The following PIP5K1B variants were observed in gnomAD, a reference collection of about 807,000 sequenced individuals.
PIP5K1B encodes phosphatidylinositol 4-phosphate 5-kinase type-1 beta.
Under a neutral mutation model 67.0 loss-of-function variants are expected in PIP5K1B, and 42 were observed. The ratio of observed to expected loss-of-function variants is 0.63; its 90% confidence interval spans 0.49 to 0.81. The LOEUF is 0.81. Ranked by LOEUF, PIP5K1B falls within the 30% of genes least tolerant of loss-of-function variation. PIP5K1B has a pLI of 0.00. For missense variants in PIP5K1B, 459 were observed against 646.3 expected (o/e 0.71, Z 3.14); for synonymous variants, 214 against 231.4 (o/e 0.92, Z 0.68).
intron 12 of PIP5K1B, among the ~76,000 whole-genome samples, chr9:68,927,205 C>T (rs978248399): frequency 6.6e-6 from 1 of 152,094 alleles, no homozygotes; most frequent in Non-Finnish European, 1.5e-5. Flanking sequence ...TCCATTTTGG[C>T]CATTATGAAT....
chr9:68,746,076 CT>C (rs11306038), intron 2 of PIP5K1B, among the ~76,000 whole-genome samples: 42,184 of 106,666 alleles, frequency 0.4, 5,489 homozygotes, highest in East Asian at 0.56. Flanking sequence ...TGTGTTAACT[CT>C]TTTTTTTTTT....
intron 2 of PIP5K1B, among the ~76,000 whole-genome samples, chr9:68,803,308 GC>G (rs1832703464): frequency 6.6e-6 from 1 of 152,204 alleles, no homozygotes; most frequent in Non-Finnish European, 1.5e-5. Context: ...GAAAGTCTGG[GC>G]TCAAAGAGTT....
At chr9:68,805,708 G>T (rs962785015) in intron 2 of PIP5K1B, among the ~76,000 whole-genome samples, 1 of 152,146 alleles carries the variant, frequency 6.6e-6, no homozygotes, top group Non-Finnish European at 1.5e-5. Flanking sequence ...TCCAGAGGGG[G>T]TAGTGACAAG....
At chr9:68,925,484 G>A (rs1182143826) in intron 12 of PIP5K1B, among the ~76,000 whole-genome samples, 1 of 152,112 alleles carries the variant, frequency 6.6e-6, no homozygotes, top group Non-Finnish European at 1.5e-5. Flanking sequence ...CCTTATTCAT[G>A]TTTATTAGCC....
chr9:68,752,709 C>G (rs1696682969), intron 2 of PIP5K1B, among the ~76,000 whole-genome samples: 1 of 152,066 alleles, frequency 6.6e-6, no homozygotes, highest in African/African-American at 2.4e-5. Context: ...TTTTTCTTAC[C>G]TCACCTATTA....
intron 2 of PIP5K1B, chr9:68,784,075 CATT>C (rs1831467244): frequency 6.0e-6 from 1 of 167,030 alleles, no homozygotes; most frequent in African/African-American, 2.4e-5. Context: ...GGTATGGAAA[CATT>C]ATTTCTGTAA....
chr9:68,741,909 A>G lies in PIP5K1B; in HGVS notation c.-242-592A>G, dbSNP rs78317337. Among the ~76,000 whole-genome samples, 1,181 of 152,334 alleles carry G rather than the reference A, an allele frequency of 7.8e-3. 10 individuals are homozygous for G. The highest frequency in any genetic ancestry group is 0.017 in the Middle Eastern group (5 of 294). On this transcript the variant is annotated intron_variant, in intron 1 of 15. Transcript: ENST00000265382. ...TGTTGGGGGTGGGGAGAACCAGGGT[A>G]GGTTATCATGGCCCTACTCATAAGA...
intron 14 of PIP5K1B, among the ~76,000 whole-genome samples, chr9:68,988,215 T>C (rs4745465): frequency 1 from 151,559 of 152,114 alleles, 75,503 homozygotes; most frequent in Non-Finnish European, 1. Context: ...CTGGACTTTT[T>C]AGCATTCCTT....
At chr9:68,756,802 A>G (rs1055871206) in intron 2 of PIP5K1B, among the ~76,000 whole-genome samples, 2 of 152,178 alleles carry the variant, frequency 1.3e-5, no homozygotes, top group Non-Finnish European at 2.9e-5. Flanking sequence ...CACATATGTA[A>G]TTTTATATTT....
At chr9:68,736,733 C>G (rs751308518) in intron 1 of PIP5K1B, among the ~76,000 whole-genome samples, 1 of 152,222 alleles carries the variant, frequency 6.6e-6, no homozygotes, top group Non-Finnish European at 1.5e-5. Context: ...CTATTCTGAA[C>G]CTCCTGTCTC....
At chr9:68,833,355 C>T (rs1834421892) in intron 4 of PIP5K1B, among the ~76,000 whole-genome samples, 1 of 152,172 alleles carries the variant, frequency 6.6e-6, no homozygotes, top group Non-Finnish European at 1.5e-5. Context: ...ATGGCCTTTG[C>T]CAAGCCCTGA....
chr9:68,947,810 T>C (rs1489033473), intron 14 of PIP5K1B, among the ~76,000 whole-genome samples: 4 of 152,252 alleles, frequency 2.6e-5, no homozygotes, highest in African/African-American at 7.2e-5. Flanking sequence ...ATGCATTCCC[T>C]GGTACTGTGC....
chr9:68,764,077 T>A (rs1049483307), intron 2 of PIP5K1B, among the ~76,000 whole-genome samples: 3 of 85,048 alleles, frequency 3.5e-5, no homozygotes, highest in Non-Finnish European at 8.4e-5. Flanking sequence ...ATAACTTCTT[T>A]TTTTTTTTTT....
intron 1 of PIP5K1B, among the ~76,000 whole-genome samples, chr9:68,713,042 G>T (rs546076367): frequency 1.3e-5 from 2 of 152,166 alleles, no homozygotes; most frequent in Non-Finnish European, 2.9e-5. Flanking sequence ...AGAAGCCAGG[G>T]CAGTGACTCT....
intron 4 of PIP5K1B, among the ~76,000 whole-genome samples, chr9:68,860,205 C>T (rs1013731043): frequency 8.5e-5 from 13 of 152,108 alleles, no homozygotes; most frequent in African/African-American, 3.1e-4. Flanking sequence ...CCCCCAGCCC[C>T]CAACCAGCCC....
intron 1 of PIP5K1B, among the ~76,000 whole-genome samples, chr9:68,728,504 A>AG (rs568907610): frequency 1.2e-4 from 18 of 152,004 alleles, no homozygotes; most frequent in African/African-American, 4.1e-4. Flanking sequence ...TATGTGGGGG[A>AG]GGGGGGCACA....
At chr9:68,905,490 T>A (rs1825567554) in intron 8 of PIP5K1B, among the ~76,000 whole-genome samples, 2 of 152,194 alleles carry the variant, frequency 1.3e-5, no homozygotes, top group Admixed American at 6.5e-5. Flanking sequence ...TGAGGCTCCA[T>A]ACCTTGGGAG....
chr9:68,920,506 A>G (rs1261572573), intron 11 of PIP5K1B, among the ~76,000 whole-genome samples: 1 of 150,988 alleles, frequency 6.6e-6, no homozygotes, highest in Non-Finnish European at 1.5e-5. Context: ...TAGCTGGGAC[A>G]ACAGGTGCGT....
At chr9:68,837,878 T>C (rs544009868) in intron 4 of PIP5K1B, among the ~76,000 whole-genome samples, 105 of 152,102 alleles carry the variant, frequency 6.9e-4, no homozygotes, top group Non-Finnish European at 1.3e-3. Flanking sequence ...GTTGAAATTA[T>C]ATTAAATTAA....
Sources: gnomAD v4.1 joint callset for allele counts (sites outside exome capture counted in the v4.1 genomes callset) on GRCh38, gnomAD v4.1.1 for gene constraint, MANE v1.5 for transcripts, NCBI Gene and HGNC (gene_info 2026-07-23, HGNC 2026-07-21) for gene names.